The following CSMD1 variants were observed in gnomAD, a reference collection of about 807,000 sequenced individuals.
The protein encoded by CSMD1 is CUB and sushi domain-containing protein 1.
In CSMD1, 213 loss-of-function variants were observed where a neutral mutation model predicts 417.5. The observed-to-expected ratio is 0.51, with a 90% CI of 0.46 to 0.57. The LOEUF (loss-of-function observed/expected upper bound fraction) is 0.57, where lower values mean the gene tolerates loss of function less well. Among genes scored for constraint, CSMD1 ranks in the 20% least tolerant of loss-of-function variants. The pLI, the probability that CSMD1 is intolerant of heterozygous loss-of-function variation, is 0.00. For missense variants in CSMD1, 6,923 were observed against 4,529.7 expected, an observed-to-expected ratio of 1.53 and a Z score of -15.17; for synonymous variants, 2,862 against 1,736.8, an observed-to-expected ratio of 1.65 and a Z score of -16.11.
intron 1 of CSMD1, among the ~76,000 whole-genome samples, chr8:4,947,303 G>A (rs577355223): frequency 1.3e-5 from 2 of 152,120 alleles, no homozygotes; most frequent in Non-Finnish European, 2.9e-5. Flanking sequence ...AGACCATTTG[G>A]TAGTTTGGAA....
chr8:4,307,011 C>T (rs374960231), intron 3 of CSMD1, among the ~76,000 whole-genome samples: 1 of 152,096 alleles, frequency 6.6e-6, no homozygotes, highest in Non-Finnish European at 1.5e-5. Context: ...GGTTCAGCCC[C>T]TCTTCGTCGC....
chr8:3,733,088 A>G (rs17067216), intron 6 of CSMD1, among the ~76,000 whole-genome samples: 12,181 of 151,534 alleles, frequency 0.08, 621 homozygotes, highest in East Asian at 0.12. Context: ...AAGTGACACA[A>G]ACTTTACCAA....
chr8:3,931,133 A>G (rs1252022984), intron 5 of CSMD1, among the ~76,000 whole-genome samples: 1 of 150,670 alleles, frequency 6.6e-6, no homozygotes, highest in Admixed American at 6.6e-5. Context: ...CAGGGTAACC[A>G]TAGATAATTT....
chr8:4,976,336 G>A (rs1313696975), intron 1 of CSMD1, among the ~76,000 whole-genome samples: 1 of 152,104 alleles, frequency 6.6e-6, no homozygotes, highest in Non-Finnish European at 1.5e-5. Flanking sequence ...CCTTCTCTCA[G>A]TTTCTTTCAA....
rs1291047648 is a variant in CSMD1, at chr8:4,066,259, C to T, written c.416-34160G>A. On this transcript the variant is annotated intron_variant, in intron 3 of 69. Transcript: ENST00000635120. ...TCTTTGTCTCCTGTTCCCACTGCAC[C>T]TCTGAGGTATCCCTTCTTTCTCTGT... Among the ~76,000 whole-genome samples, 12 of 152,288 alleles carry T rather than the reference C, an allele frequency of 7.9e-5. No homozygotes were observed. The East Asian group carries it at 2.1e-3, about 27-fold the overall frequency.
At chr8:4,508,040 C>T (rs970542274) in intron 2 of CSMD1, among the ~76,000 whole-genome samples, 7 of 149,366 alleles carry the variant, frequency 4.7e-5, no homozygotes, top group African/African-American at 1.7e-4. Context: ...TAAAATTGTC[C>T]CTATTAAATG....
intron 1 of CSMD1, among the ~76,000 whole-genome samples, chr8:4,879,860 A>G (rs147084206): frequency 6.6e-6 from 1 of 152,250 alleles, no homozygotes; most frequent in Non-Finnish European, 1.5e-5. Flanking sequence ...TATTTGGCAA[A>G]TAAAATCGAT....
intron 3 of CSMD1, among the ~76,000 whole-genome samples, chr8:4,134,738 G>A (rs1240430047): frequency 6.6e-6 from 1 of 152,114 alleles, no homozygotes; most frequent in Non-Finnish European, 1.5e-5. Flanking sequence ...GTCTCCTCCT[G>A]ACATTCATGT....
chr8:3,232,109 G>A (rs1172136479), intron 26 of CSMD1, among the ~76,000 whole-genome samples: 5 of 152,168 alleles, frequency 3.3e-5, no homozygotes, highest in Admixed American at 3.3e-4. Context: ...TATGATCAAT[G>A]CGTAGAACAT....
At chr8:3,966,631 C>T (rs947615246) in intron 5 of CSMD1, among the ~76,000 whole-genome samples, 3 of 151,960 alleles carry the variant, frequency 2.0e-5, no homozygotes, top group African/African-American at 7.2e-5. Flanking sequence ...TTTCAATTAG[C>T]CTGCAAGGTC....
chr8:3,198,821 C>T (rs1260650576), intron 33 of CSMD1, among the ~76,000 whole-genome samples: 2 of 152,094 alleles, frequency 1.3e-5, no homozygotes, highest in African/African-American at 4.8e-5. Context: ...AGGAAAGAAA[C>T]CATTGCTAAG....
At chr8:3,752,076 C>T (rs879724984) in intron 6 of CSMD1, among the ~76,000 whole-genome samples, 3 of 152,144 alleles carry the variant, frequency 2.0e-5, no homozygotes, top group Admixed American at 2.0e-4. Flanking sequence ...CAAACCCACC[C>T]AGCCTGGGTG....
intron 2 of CSMD1, among the ~76,000 whole-genome samples, chr8:4,484,879 G>A (rs555605516): frequency 4.6e-5 from 7 of 151,104 alleles, no homozygotes; most frequent in South Asian, 2.1e-4. Context: ...AGGCTGAGGC[G>A]GGAGAATGGC....
chr8:4,567,058 G>A (rs1186227351), intron 2 of CSMD1, among the ~76,000 whole-genome samples: 3 of 152,106 alleles, frequency 2.0e-5, no homozygotes, highest in East Asian at 1.9e-4. Context: ...TGAAAAGGGG[G>A]CTTCCATAAA....
At chr8:3,897,220 A>C (rs1807429262) in intron 5 of CSMD1, among the ~76,000 whole-genome samples, 1 of 152,182 alleles carries the variant, frequency 6.6e-6, no homozygotes, top group Admixed American at 6.5e-5. Flanking sequence ...CAAAGGAGTG[A>C]GATGACACAG....
intron 5 of CSMD1, among the ~76,000 whole-genome samples, chr8:3,848,569 G>T (rs971724180): frequency 1.3e-5 from 2 of 152,110 alleles, no homozygotes; most frequent in Non-Finnish European, 2.9e-5. Flanking sequence ...CCTTTGTGCT[G>T]CTCCTTGTAA....
intron 5 of CSMD1, among the ~76,000 whole-genome samples, chr8:3,977,537 C>A (rs1585065722): frequency 6.6e-6 from 1 of 152,174 alleles, no homozygotes; most frequent in African/African-American, 2.4e-5. Context: ...TTCTGCTGTT[C>A]AGAGCAGCAA....
chr8:4,937,256 C>A (rs1807681437), intron 1 of CSMD1, among the ~76,000 whole-genome samples: 1 of 151,984 alleles, frequency 6.6e-6, no homozygotes, highest in Non-Finnish European at 1.5e-5. Context: ...AATATAAGGA[C>A]AAATCTGGTG....
Position 4,872,481 on chromosome 8 carries a change from G to A in CSMD1, c.85+121851C>T, listed in dbSNP as rs185010543. Among the ~76,000 whole-genome samples, 14 of 152,018 alleles carry A rather than the reference G, an allele frequency of 9.2e-5. No individual in the cohort carries two copies. In the East Asian group the frequency reaches 2.7e-3, roughly 29 times the overall value. ...CTCCCATCACTCAGCACTCCTTCCT[G>A]CCGCCTTCTGAAGAAGGCACCTGGT... On this transcript the variant is annotated intron_variant, in intron 1 of 69. Coordinates refer to ENST00000635120, the MANE Select transcript of CSMD1 (RefSeq NM_033225.6).
Sources: gnomAD v4.1 joint callset for allele counts (sites outside exome capture counted in the v4.1 genomes callset) on GRCh38, gnomAD v4.1.1 for gene constraint, MANE v1.5 for transcripts, NCBI Gene and HGNC (gene_info 2026-07-23, HGNC 2026-07-21) for gene names.